Variants in TMEM132D observed in about 807,000 individuals in gnomAD.
TMEM132D encodes transmembrane protein 132D.
In TMEM132D, 21 loss-of-function variants were observed where a neutral mutation model predicts 62.3. The ratio of observed to expected loss-of-function variants is 0.34; its 90% confidence interval spans 0.24 to 0.49. TMEM132D has a LOEUF of 0.49. TMEM132D is among the 20% of genes least tolerant of loss of function. TMEM132D has a pLI of 0.99. For synonymous variants in TMEM132D, 621 were observed against 575.6 expected, an observed-to-expected ratio of 1.08 and a Z score of -1.13; for missense variants, 1,346 against 1,402.8, an observed-to-expected ratio of 0.96 and a Z score of 0.65.
At chr12:129,112,204 T>A (rs1392002358) in intron 5 of TMEM132D, among the ~76,000 whole-genome samples, 1 of 152,180 alleles carries the variant, frequency 6.6e-6, no homozygotes, top group Non-Finnish European at 1.5e-5. Context: ...AGATTGGGTA[T>A]ATTAGTGAGG....
intron 2 of TMEM132D, among the ~76,000 whole-genome samples, chr12:129,549,466 G>T (rs1331202181): frequency 3.9e-5 from 6 of 152,246 alleles, no homozygotes; most frequent in Non-Finnish European, 8.8e-5. Context: ...CATGGGATCT[G>T]ATGGTTTTGT....
At chr12:129,546,986 C>T (rs1322077898) in intron 2 of TMEM132D, among the ~76,000 whole-genome samples, 1 of 152,112 alleles carries the variant, frequency 6.6e-6, no homozygotes, top group Non-Finnish European at 1.5e-5. Flanking sequence ...ATAACAAATT[C>T]CCACAAACTG....
intron 5 of TMEM132D, among the ~76,000 whole-genome samples, chr12:129,127,556 G>T (rs1876251735): frequency 6.6e-6 from 1 of 152,094 alleles, no homozygotes; most frequent in Admixed American, 6.5e-5. Context: ...AATGTGAACA[G>T]CCCACTCTCT....
intron 3 of TMEM132D, among the ~76,000 whole-genome samples, chr12:129,420,311 T>TTTTTTTG (rs1555254701): frequency 0.037 from 1,490 of 40,256 alleles, 75 homozygotes; most frequent in African/African-American, 0.083. Flanking sequence ...TCTCTGTTTT[T>TTTTTTTG]TTTTTTTTTT....
In TMEM132D at chr12:129,785,849, G is replaced by A. The variant is rs115411129; in HGVS notation, c.80-85151C>T. Reference sequence around the variant, plus strand: ...ACCACCTGACTCTTTCTTGTGGTCAGTATTTAAGCCAACTCTTTAAACCAA... The same window carrying A: ...ACCACCTGACTCTTTCTTGTGGTCAATATTTAAGCCAACTCTTTAAACCAA... On this transcript the variant is annotated intron_variant, in intron 1 of 8. Coordinates refer to ENST00000422113, the MANE Select transcript of TMEM132D (RefSeq NM_133448.3). Among the ~76,000 whole-genome samples, 675 of 152,326 alleles carry A rather than the reference G, an allele frequency of 4.4e-3. 7 individuals carry two copies. The highest frequency in any genetic ancestry group is 0.015 in the African/African-American group (643 of 41,574).
chr12:129,733,872 C>T (rs115285288), intron 1 of TMEM132D, among the ~76,000 whole-genome samples: 4,470 of 152,258 alleles, frequency 0.029, 211 homozygotes, highest in African/African-American at 0.1. Flanking sequence ...AGATGTGCCG[C>T]ATGAGGCATG....
At chr12:129,352,559 T>C (rs535064909) in intron 3 of TMEM132D, among the ~76,000 whole-genome samples, 2 of 151,616 alleles carry the variant, frequency 1.3e-5, no homozygotes, top group East Asian at 3.9e-4. Context: ...TAAACAAATT[T>C]ACAAGAAAAA....
chr12:129,822,134 G>A (rs888990154), intron 1 of TMEM132D, among the ~76,000 whole-genome samples: 1 of 152,136 alleles, frequency 6.6e-6, no homozygotes, highest in Non-Finnish European at 1.5e-5. Flanking sequence ...AGACGGGAAA[G>A]AGGACAGGAG....
chr12:129,542,864 G>C (rs1012996233), intron 2 of TMEM132D, among the ~76,000 whole-genome samples: 6 of 151,888 alleles, frequency 4.0e-5, no homozygotes, highest in African/African-American at 1.5e-4. Flanking sequence ...TAGACACACA[G>C]ATATTTACCA....
At chr12:129,209,209 T>TA (rs1449638219) in intron 5 of TMEM132D, among the ~76,000 whole-genome samples, 2 of 151,754 alleles carry the variant, frequency 1.3e-5, no homozygotes, top group African/African-American at 4.8e-5. Context: ...GGGTGGAGGG[T>TA]AAGCGGGTCC....
intron 4 of TMEM132D, among the ~76,000 whole-genome samples, chr12:129,330,412 C>T (rs1189665315): frequency 6.6e-6 from 1 of 152,206 alleles, no homozygotes; most frequent in Non-Finnish European, 1.5e-5. Context: ...CATGTTGACA[C>T]TTAATCCCCA....
intron 1 of TMEM132D, among the ~76,000 whole-genome samples, chr12:129,815,619 A>G (rs1439896088): frequency 1.3e-5 from 2 of 152,200 alleles, no homozygotes; most frequent in Non-Finnish European, 2.9e-5. Context: ...CGTGCAACAG[A>G]TGTCAAGGAC....
intron 3 of TMEM132D, among the ~76,000 whole-genome samples, chr12:129,520,476 T>C (rs1202130974): frequency 6.6e-6 from 1 of 152,204 alleles, no homozygotes; most frequent in Non-Finnish European, 1.5e-5. Context: ...ATTGTCCTAG[T>C]TTTTCCATTT....
chr12:129,439,538 C>G (rs570408194), intron 3 of TMEM132D, among the ~76,000 whole-genome samples: 3 of 152,288 alleles, frequency 2.0e-5, no homozygotes, highest in East Asian at 1.9e-4. Context: ...CAACCTCCCC[C>G]TCCTGGGTTC....
intron 1 of TMEM132D, among the ~76,000 whole-genome samples, chr12:129,722,880 C>T (rs1593135579): frequency 6.6e-6 from 1 of 151,872 alleles, no homozygotes. Flanking sequence ...TCTGAGACTA[C>T]AGGCATATGA....
At chr12:129,466,887 T>C (rs866710322) in intron 3 of TMEM132D, among the ~76,000 whole-genome samples, 1 of 152,172 alleles carries the variant, frequency 6.6e-6, no homozygotes, top group South Asian at 2.1e-4. Context: ...TATGCAGATA[T>C]ATCCAGGTTT....
chr12:129,575,258 G>A (rs538001044), intron 2 of TMEM132D, among the ~76,000 whole-genome samples: 7 of 151,834 alleles, frequency 4.6e-5, no homozygotes, highest in Admixed American at 2.6e-4. Flanking sequence ...TACTGGTGAG[G>A]CTACCCATCA....
chr12:129,632,592 G>C (rs754525582), intron 2 of TMEM132D, among the ~76,000 whole-genome samples: 1 of 152,188 alleles, frequency 6.6e-6, no homozygotes, highest in African/African-American at 2.4e-5. Context: ...CTGGCCTGCA[G>C]ACATGGCTGT....
At chr12:129,488,681 C>CAAAAA (rs970335278) in intron 3 of TMEM132D, among the ~76,000 whole-genome samples, 1 of 151,980 alleles carries the variant, frequency 6.6e-6, no homozygotes, top group Non-Finnish European at 1.5e-5. Context: ...TGGAGGAAAA[C>CAAAAA]AAAAACAAAA....
Sources: gnomAD v4.1 joint callset for allele counts (sites outside exome capture counted in the v4.1 genomes callset) on GRCh38, gnomAD v4.1.1 for gene constraint, MANE v1.5 for transcripts, NCBI Gene and HGNC (gene_info 2026-07-23, HGNC 2026-07-21) for gene names.